Variants in TET1 observed in about 807,000 individuals in gnomAD.
TET1 encodes methylcytosine dioxygenase TET1.
A neutral mutation model predicts 148.7 loss-of-function variants in TET1; 13 were observed. The observed-to-expected ratio is 0.09, with a 90% CI of 0.06 to 0.14. TET1 has a LOEUF of 0.14. Ranked by LOEUF, TET1 falls within the 10% of genes least tolerant of loss-of-function variation. The probability of loss-of-function intolerance (pLI) is 1.00; values close to 1 mark genes in which losing one functional copy is unlikely to be tolerated. For missense variants in TET1, 2,182 were observed against 2,553.8 expected, an observed-to-expected ratio of 0.85 and a Z score of 3.14; for synonymous variants, 907 against 937.2, an observed-to-expected ratio of 0.97 and a Z score of 0.59.
Position 68,572,474 on chromosome 10 carries a change from C to T in TET1, c.136C>T (p.Pro46Ser). Residue 46 changes from proline (P) to serine (S), a missense_variant, in exon 2 of 12, where the codon CCT (proline) becomes TCT (serine). By Grantham distance (74) the Pro-to-Ser change is moderately conservative. Transcript: ENST00000373644. ...TGTGGCATCAGTCAAGACTTTAAGCCCTGGAAAATTAAAGCAATTAATTCA... is the reference window on the plus strand; with the variant it reads ...TGTGGCATCAGTCAAGACTTTAAGCTCTGGAAAATTAAAGCAATTAATTCA... Reference protein sequence around the residue: ...KNVASVKTLSPGKLKQLIQER... With the variant: ...KNVASVKTLSSGKLKQLIQER... The T allele has an allele frequency of 6.2e-7, 1 of 1,613,906 alleles. No individual in the cohort carries two copies. Among genetic ancestry groups the T allele is most frequent in the Non-Finnish European group, 8.5e-7 (1 of 1,179,984 alleles).
chr10:68,647,013 C>T lies in TET1; in HGVS notation c.4276+8C>T, dbSNP rs375405592. The T allele has an allele frequency of 6.9e-6, 11 of 1,598,784 alleles. No homozygotes were observed. The highest frequency in any genetic ancestry group is 1.3e-5 in the African/African-American group (1 of 74,258). ...CCACCTGCAGCTGTCTTGGTGAGTA[C>T]TTGTGTGCATGTGTTCTTATTTCAC... is the stretch of plus-strand genomic sequence containing the variant. On this transcript the variant is annotated splice_region_variant and intron_variant, in intron 4 of 11. Coordinates refer to ENST00000373644, the MANE Select transcript of TET1 (RefSeq NM_030625.3).
chr10:68,578,312 G>A (rs775051804), intron 2 of TET1, among the ~76,000 whole-genome samples: 1 of 152,132 alleles, frequency 6.6e-6, no homozygotes, highest in Non-Finnish European at 1.5e-5. Flanking sequence ...AGGCTGGAGT[G>A]CAGTGGCGTG....
At position 68,573,295 on chromosome 10, in the gene TET1, G is replaced by A. The variant is rs772644804; in HGVS notation, c.957G>A (p.Gly319=). ...TTAGAAACTGCTTGGCTCTTGGTGGGTCTACGTCTCCTACCTCTGTAATAA... is the reference window on the plus strand; with the variant it reads ...TTAGAAACTGCTTGGCTCTTGGTGGATCTACGTCTCCTACCTCTGTAATAA... ...LNLRNCLALG[G]STSPTSVIKF... is the part of the protein sequence containing the mutation. The change falls in exon 2 of 12, where the codon GGG becomes GGA. Residue 319 remains glycine (G), a synonymous_variant. Coordinates refer to ENST00000373644, the MANE Select transcript of TET1 (RefSeq NM_030625.3). 3.1e-6 allele frequency: 5 copies of A among 1,613,858 alleles called. No individual in the cohort carries two copies. The South Asian group carries it at 3.3e-5, about 11-fold the overall frequency.
chr10:68,682,707 A>C, intron 9 of TET1, 129 bp from the exon 10 acceptor site: 1 of 1,054,896 alleles, frequency 9.5e-7, no homozygotes, highest in African/African-American at 1.6e-5. Context: ...TGACAATAAT[A>C]CATTTAGTCT....
intron 3 of TET1, among the ~76,000 whole-genome samples, chr10:68,624,674 C>T (rs138446562): frequency 0.41 from 33,933 of 82,044 alleles, 6,479 homozygotes; most frequent in East Asian, 0.51. Context: ...CTCTCTCTCT[C>T]TCTCTCTCTC....
Position 68,686,395 on chromosome 10 carries a change from G to A in TET1, c.5092G>A (p.Val1698Ile). 1 of 1,613,098 alleles carries A rather than the reference G, an allele frequency of 6.2e-7. No individual in the cohort carries two copies. Among genetic ancestry groups the A allele is most frequent in the Non-Finnish European group, 8.5e-7 (1 of 1,179,480 alleles). Residue 1698 changes from valine (V) to isoleucine (I), a missense_variant, in exon 11 of 12, where the codon GTT (valine) becomes ATT (isoleucine). Coordinates refer to ENST00000373644, the MANE Select transcript of TET1 (RefSeq NM_030625.3). ...TCGAGAAGATAACCGCTCTTTGGGT[G>A]TTATTCCTCAAGATGAGCAGCTCCA... ...LTREDNRSLG[V>I]IPQDEQLHVL...
At chr10:68,597,096 C>T (rs550573095) in intron 2 of TET1, among the ~76,000 whole-genome samples, 22 of 139,314 alleles carry the variant, frequency 1.6e-4, no homozygotes, top group African/African-American at 5.2e-4. Context: ...TGCAGTGGCA[C>T]GATCTCGGCT....
At chr10:68,598,511 G>A (rs954324577) in intron 2 of TET1, among the ~76,000 whole-genome samples, 8 of 152,092 alleles carry the variant, frequency 5.3e-5, no homozygotes, top group Non-Finnish European at 1.0e-4. Flanking sequence ...TACTGTATTT[G>A]ATTATTTTTC....
At chr10:68,599,230 C>A (rs1207842769) in intron 2 of TET1, among the ~76,000 whole-genome samples, 1 of 152,220 alleles carries the variant, frequency 6.6e-6, no homozygotes, top group Non-Finnish European at 1.5e-5. Flanking sequence ...GTGGAAAACC[C>A]ATCTTTGGCT....
At chr10:68,674,620 C>T (rs2055324726) in intron 8 of TET1, 1 of 486,946 alleles carries the variant, frequency 2.1e-6, no homozygotes, top group East Asian at 4.8e-5. Flanking sequence ...GCTTCCATGG[C>T]GTGGATCTTA....
intron 6 of TET1, among the ~76,000 whole-genome samples, chr10:68,660,215 G>A (rs2055085323): frequency 6.6e-6 from 1 of 151,830 alleles, no homozygotes; most frequent in South Asian, 2.1e-4. Flanking sequence ...GTGTTACAGG[G>A]ACTTATTTTT....
intron 5 of TET1, 42 bp downstream of exon 5, chr10:68,651,978 G>T: frequency 6.5e-7 from 1 of 1,527,824 alleles, no homozygotes; most frequent in South Asian, 1.2e-5. Flanking sequence ...TCTTACTGTG[G>T]ATCTGACTCA....
Position 68,692,651 on chromosome 10 carries a change from A to C in TET1, c.*837A>C, listed in dbSNP as rs1215434138. 2.6e-5 allele frequency: 6 copies of C among 231,810 alleles called. No homozygotes were observed. The East Asian group carries it at 3.7e-4, about 14-fold the overall frequency. The allele number at this position is 231,810 out of a possible 1,614,324, so 14.4% of individuals were successfully genotyped here. On this transcript the variant is annotated 3_prime_UTR_variant, in exon 12 of 12. Transcript: ENST00000373644. ...ATTAGCAACTTGCAGTATATAAAATAGTTAGATAATGAGAAGTTGTTAATT... is the reference window on the plus strand; with the variant it reads ...ATTAGCAACTTGCAGTATATAAAATCGTTAGATAATGAGAAGTTGTTAATT...
At chr10:68,637,224 C>T (rs1223469719) in intron 3 of TET1, among the ~76,000 whole-genome samples, 1 of 152,102 alleles carries the variant, frequency 6.6e-6, no homozygotes, top group Non-Finnish European at 1.5e-5. Context: ...GTCTCGAACT[C>T]CTGACCTCTG....
At chr10:68,648,015 TA>T (rs1197820289) in intron 4 of TET1, among the ~76,000 whole-genome samples, 3 of 152,248 alleles carry the variant, frequency 2.0e-5, no homozygotes, top group African/African-American at 7.2e-5. Flanking sequence ...AATTTTAACA[TA>T]TTTTAACAAA....
intron 3 of TET1, among the ~76,000 whole-genome samples, chr10:68,639,475 T>C (rs2054709581): frequency 6.7e-6 from 1 of 150,304 alleles, no homozygotes; most frequent in African/African-American, 2.4e-5. Flanking sequence ...ACTATTATTA[T>C]TATTATTATT....
At chr10:68,568,711 C>T (rs572193828) in intron 1 of TET1, among the ~76,000 whole-genome samples, 9 of 152,108 alleles carry the variant, frequency 5.9e-5, no homozygotes, top group East Asian at 1.9e-4. Context: ...TTTAGACTGG[C>T]GTGGTGGCAC....
At chr10:68,679,887 T>C (rs982638646) in intron 8 of TET1, among the ~76,000 whole-genome samples, 2 of 152,228 alleles carry the variant, frequency 1.3e-5, no homozygotes, top group African/African-American at 4.8e-5. Flanking sequence ...TTGGCCAGGC[T>C]GGTCTCGAAC....
At chr10:68,612,282 G>C (rs1418838359) in intron 3 of TET1, among the ~76,000 whole-genome samples, 3 of 151,858 alleles carry the variant, frequency 2.0e-5, no homozygotes. Flanking sequence ...TATAGACGAG[G>C]TTTCACCATG....
Sources: allele counts gnomAD v4.1 joint callset (sites outside exome capture counted in the v4.1 genomes callset), GRCh38; gene constraint gnomAD v4.1.1; transcripts MANE v1.5; gene names NCBI Gene and HGNC (gene_info 2026-07-23, HGNC 2026-07-21).